The following PAPPA2 variants were observed in gnomAD, a reference collection of about 807,000 sequenced individuals.
The protein encoded by PAPPA2 is pappalysin-2.
A neutral mutation model predicts 176.4 loss-of-function variants in PAPPA2; 86 were observed. That is an observed-to-expected ratio of 0.49 (90% CI 0.41 to 0.58). The LOEUF is 0.58. PAPPA2 is among the 20% of genes least tolerant of loss of function. The probability of loss-of-function intolerance (pLI) is 0.00; values close to 1 mark genes in which losing one functional copy is unlikely to be tolerated. For synonymous variants in PAPPA2, 809 were observed against 852.2 expected, an observed-to-expected ratio of 0.95 and a Z score of 0.88; for missense variants, 2,073 against 2,256.9, an observed-to-expected ratio of 0.92 and a Z score of 1.65.
intron 1 of PAPPA2, among the ~76,000 whole-genome samples, chr1:176,529,395 C>CT (rs1649673423): frequency 6.6e-6 from 1 of 151,866 alleles, no homozygotes; most frequent in Non-Finnish European, 1.5e-5. Flanking sequence ...TCCTTCCAGC[C>CT]TTTAGTAAAC....
intron 21 of PAPPA2, among the ~76,000 whole-genome samples, chr1:176,815,360 A>G (rs941693056): frequency 6.6e-6 from 1 of 152,172 alleles, no homozygotes; most frequent in Non-Finnish European, 1.5e-5. Context: ...ACCTAGTTTG[A>G]AAAGCTAGTT....
At chr1:176,598,572 T>A (rs1333178167) in intron 3 of PAPPA2, among the ~76,000 whole-genome samples, 1 of 152,098 alleles carries the variant, frequency 6.6e-6, no homozygotes, top group Non-Finnish European at 1.5e-5. Flanking sequence ...GAGTCTCTAT[T>A]TTTCCTTCCT....
chr1:176,510,402 T>G (rs1648524084), intron 1 of PAPPA2, among the ~76,000 whole-genome samples: 1 of 152,072 alleles, frequency 6.6e-6, no homozygotes, highest in South Asian at 2.1e-4. Flanking sequence ...ACAAAAACCT[T>G]CTGTTAAACT....
intron 12 of PAPPA2, among the ~76,000 whole-genome samples, chr1:176,712,891 G>A (rs1256121603): frequency 1.3e-5 from 2 of 152,122 alleles, no homozygotes; most frequent in Non-Finnish European, 2.9e-5. Flanking sequence ...GTATTGCCCT[G>A]TGGTTTCAGT....
chr1:176,820,025 C>T (rs894883016), intron 21 of PAPPA2, among the ~76,000 whole-genome samples: 1 of 152,084 alleles, frequency 6.6e-6, no homozygotes, highest in Admixed American at 6.6e-5. Flanking sequence ...GGGAGGATGC[C>T]CACACTCCAT....
chr1:176,552,216 C>CCTCTT (rs1309757956), intron 1 of PAPPA2, among the ~76,000 whole-genome samples: 4 of 151,292 alleles, frequency 2.6e-5, no homozygotes, highest in African/African-American at 7.3e-5. Flanking sequence ...TTCATTCTTC[C>CCTCTT]CTCTTCTCTT....
chr1:176,771,169 T>C lies in PAPPA2; in HGVS notation c.4704T>C (p.Gly1568=), dbSNP rs749984675. ...PGYYVAESAE[G]KVRNKLLKIQ... Reference sequence around the variant, plus strand: ...ACTATGTGGCAGAAAGTGCAGAGGGTAAAGTCAGGAAGTAAGTTGAATGTT... The same window carrying C: ...ACTATGTGGCAGAAAGTGCAGAGGGCAAAGTCAGGAAGTAAGTTGAATGTT... The change falls in exon 17 of 23, where the codon GGT becomes GGC. Residue 1568 remains glycine, a synonymous_variant. Coordinates refer to ENST00000367662, the MANE Select transcript of PAPPA2 (RefSeq NM_020318.3). 3 of 1,614,170 alleles carry C rather than the reference T, an allele frequency of 1.9e-6. No individual in the cohort carries two copies. The Admixed American group carries it at 5.0e-5, about 27-fold the overall frequency.
intron 21 of PAPPA2, among the ~76,000 whole-genome samples, chr1:176,835,178 G>A (rs533441601): frequency 9.2e-5 from 14 of 152,238 alleles, no homozygotes; most frequent in African/African-American, 1.7e-4. Flanking sequence ...GTGTGGCATC[G>A]TAGAAAGAAC....
Position 176,588,503 on chromosome 1 carries a change from G to T in PAPPA2, c.920-6021G>T, listed in dbSNP as rs980781479. ...TGGAAAAAGACTTATTTCTATAGAT[G>T]GGTCTTAGGGTGTCAGTTGGGTAGG... is the stretch of plus-strand genomic sequence containing the variant. On this transcript the variant is annotated intron_variant, in intron 2 of 22. Transcript: ENST00000367662. Among the ~76,000 whole-genome samples the T allele has an allele frequency of 2.0e-5, 3 of 152,184 alleles. No homozygotes were observed. In the East Asian group the frequency reaches 5.8e-4, roughly 29 times the overall value.
intron 1 of PAPPA2, among the ~76,000 whole-genome samples, chr1:176,500,956 A>T (rs1408133273): frequency 6.6e-6 from 1 of 151,958 alleles, no homozygotes; most frequent in Non-Finnish European, 1.5e-5. Context: ...GAAGGTTGCT[A>T]GGTTAGCATT....
intron 17 of PAPPA2, among the ~76,000 whole-genome samples, chr1:176,782,462 CA>C (rs1664760862): frequency 6.6e-6 from 1 of 151,496 alleles, no homozygotes; most frequent in African/African-American, 2.4e-5. Context: ...GTTAGAGGGG[CA>C]AAATAAGGAT....
intron 1 of PAPPA2, among the ~76,000 whole-genome samples, chr1:176,524,204 A>C (rs768562751): frequency 2.0e-5 from 3 of 152,116 alleles, no homozygotes; most frequent in Non-Finnish European, 4.4e-5. Flanking sequence ...AACACATGGC[A>C]TATAGCAGAT....
At chr1:176,657,218 C>T (rs1000550708) in intron 3 of PAPPA2, among the ~76,000 whole-genome samples, 1 of 151,918 alleles carries the variant, frequency 6.6e-6, no homozygotes, top group Non-Finnish European at 1.5e-5. Context: ...ATACCAAAAT[C>T]TGTCAGATGA....
intron 19 of PAPPA2, 95 bp from the exon 20 acceptor site, chr1:176,793,465 G>A: frequency 9.6e-7 from 1 of 1,037,388 alleles, no homozygotes; most frequent in Non-Finnish European, 1.5e-6. Context: ...GATGAAAGCA[G>A]TTGTTCTTTA....
chr1:176,477,102 C>G (rs1652164123), intron 1 of PAPPA2, among the ~76,000 whole-genome samples: 1 of 152,190 alleles, frequency 6.6e-6, no homozygotes, highest in Admixed American at 6.5e-5. Flanking sequence ...TAACTGCTCT[C>G]AGGAAGAGAA....
intron 3 of PAPPA2, among the ~76,000 whole-genome samples, chr1:176,623,801 T>TTC (rs1347026642): frequency 1.6e-5 from 2 of 121,276 alleles, no homozygotes; most frequent in African/African-American, 3.1e-5. Flanking sequence ...CTTTCTTTCT[T>TTC]TCTTTCTTCT....
chr1:176,730,651 C>T (rs1341640078), intron 12 of PAPPA2, among the ~76,000 whole-genome samples: 1 of 149,648 alleles, frequency 6.7e-6, no homozygotes, highest in Non-Finnish European at 1.5e-5. Flanking sequence ...TATTTCCTGG[C>T]TTTTTGTTTG....
chr1:176,503,467 T>C (rs567631193), intron 1 of PAPPA2, among the ~76,000 whole-genome samples: 3 of 152,264 alleles, frequency 2.0e-5, no homozygotes, highest in South Asian at 4.1e-4. Context: ...ATTCCAGTGA[T>C]TAGGAAGTAG....
At chr1:176,804,109 G>T (rs1665795240) in intron 21 of PAPPA2, among the ~76,000 whole-genome samples, 1 of 152,174 alleles carries the variant, frequency 6.6e-6, no homozygotes, top group Non-Finnish European at 1.5e-5. Flanking sequence ...TGAGATAAAT[G>T]AGTTATTATA....
Sources: gnomAD v4.1 joint callset for allele counts (sites outside exome capture counted in the v4.1 genomes callset) on GRCh38, gnomAD v4.1.1 for gene constraint, MANE v1.5 for transcripts, NCBI Gene and HGNC (gene_info 2026-07-23, HGNC 2026-07-21) for gene names.